MYOM2: variants seen among roughly 807,000 people sequenced by gnomAD.
The protein encoded by MYOM2 is myomesin-2.
A neutral mutation model predicts 187.6 loss-of-function variants in MYOM2; 254 were observed. That is an observed-to-expected ratio of 1.35 (90% CI 1.22 to 1.50). The LOEUF is 1.50. MYOM2 is among the 40% of genes most tolerant of loss of function. MYOM2 has a pLI of 0.00. For synonymous variants in MYOM2, 981 were observed against 753.8 expected (o/e 1.30, Z -4.94); for missense variants, 2,796 against 1,924.0 (o/e 1.45, Z -8.48).
chr8:2,067,314 G>T lies in MYOM2; in HGVS notation c.654-1964G>T, dbSNP rs542082383. On this transcript the variant is annotated intron_variant, in intron 6 of 36. Coordinates refer to ENST00000262113, the MANE Select transcript of MYOM2 (RefSeq NM_003970.4). ...TGAGTAACTCTTGCTTTTCTCAAAA[G>T]TGGGGACTTTTTGTGTTGTTTCTTT... Among the ~76,000 whole-genome samples, 3 of 152,314 alleles carry T rather than the reference G, an allele frequency of 2.0e-5. No individual in the cohort carries two copies. In the South Asian group the frequency reaches 6.2e-4, roughly 32 times the overall value.
At chr8:2,124,332 T>C in intron 31 of MYOM2, 115 bp downstream of exon 31, 1 of 1,031,872 alleles carries the variant, frequency 9.7e-7, no homozygotes, top group Non-Finnish European at 1.5e-6. Flanking sequence ...GCGTGTTCTG[T>C]GGGAGGCCCT....
intron 32 of MYOM2, among the ~76,000 whole-genome samples, chr8:2,129,491 G>A (rs1797776695): frequency 6.6e-6 from 1 of 152,196 alleles, no homozygotes; most frequent in Non-Finnish European, 1.5e-5. Flanking sequence ...GTCACCAAAG[G>A]TGGCTTTACT....
chr8:2,110,424 C>T (rs568972154), intron 25 of MYOM2, among the ~76,000 whole-genome samples: 1 of 152,288 alleles, frequency 6.6e-6, no homozygotes, highest in South Asian at 2.1e-4. Context: ...ATGTCAGGTA[C>T]TCCTTATTTG....
chr8:2,078,998 G>A, intron 12 of MYOM2, 65 bp downstream of exon 12: 1 of 1,517,830 alleles, frequency 6.6e-7, no homozygotes, highest in South Asian at 1.1e-5. Flanking sequence ...TGTGTGATTT[G>A]TTGTCTCTTT....
rs760368046 is a variant in MYOM2 at position 2,129,127 on chromosome 8, G to A, written c.3695G>A (p.Gly1232Glu). Residue 1232 changes from glycine (G) to glutamate (E), a missense_variant and splice_region_variant, in exon 32 of 37, where the codon GGG becomes GAG. Physicochemically the swap from Gly to Glu is moderately conservative, Grantham distance 98 (BLOSUM62 -2). Transcript: ENST00000262113. ...TCTGAGGATGTTTTATTTTCTGCAG[G>A]GAAATCTGCTTCGCCACTGAAGGTA... The part of the protein sequence containing the change: ...DMILAMSRVC[G>E]KSASPLKVLC... 1.9e-6 allele frequency: 3 copies of A among 1,598,444 alleles called. No individual in the cohort carries two copies. Among genetic ancestry groups the A allele is most frequent in the South Asian group, 2.2e-5 (2 of 90,470 alleles).
intron 31 of MYOM2, chr8:2,127,897 T>A (rs1187842414): frequency 6.6e-6 from 1 of 152,644 alleles, no homozygotes; most frequent in Non-Finnish European, 1.5e-5. Flanking sequence ...TGCTCTTTCT[T>A]TCCTCATGTG....
chr8:2,101,611 G>C (rs976880811), intron 20 of MYOM2, among the ~76,000 whole-genome samples: 1 of 152,186 alleles, frequency 6.6e-6, no homozygotes, highest in Non-Finnish European at 1.5e-5. Flanking sequence ...CCAACATGCT[G>C]TTTGCTCCTG....
intron 25 of MYOM2, among the ~76,000 whole-genome samples, chr8:2,110,198 C>T (rs1017314874): frequency 2.0e-5 from 3 of 152,174 alleles, no homozygotes; most frequent in Non-Finnish European, 4.4e-5. Flanking sequence ...TGATGCTCAC[C>T]TGTAGTTCCA....
intron 32 of MYOM2, among the ~76,000 whole-genome samples, chr8:2,140,090 G>A (rs1798222335): frequency 1.3e-5 from 2 of 151,924 alleles, no homozygotes; most frequent in East Asian, 1.9e-4. Context: ...CCCAGCCCCT[G>A]GTACCCACAG....
At chr8:2,124,995 C>T (rs189181723) in intron 31 of MYOM2, among the ~76,000 whole-genome samples, 5 of 152,160 alleles carry the variant, frequency 3.3e-5, no homozygotes, top group African/African-American at 1.2e-4. Flanking sequence ...AGTCCCTTAG[C>T]CAATGCATAG....
At chr8:2,110,678 T>C (rs1472416119) in intron 25 of MYOM2, among the ~76,000 whole-genome samples, 2 of 152,190 alleles carry the variant, frequency 1.3e-5, no homozygotes, top group Non-Finnish European at 2.9e-5. Context: ...GATTGGTTTG[T>C]TCATTACACA....
At chr8:2,132,630 G>C (rs775576226) in intron 32 of MYOM2, among the ~76,000 whole-genome samples, 1 of 151,752 alleles carries the variant, frequency 6.6e-6, no homozygotes, top group African/African-American at 2.4e-5. Context: ...TCTGTCACCC[G>C]GGCTGGAGAG....
chr8:2,070,362 T>G (rs1425072828), intron 8 of MYOM2, among the ~76,000 whole-genome samples: 3 of 152,216 alleles, frequency 2.0e-5, no homozygotes, highest in Admixed American at 6.5e-5. Flanking sequence ...TGGCAGCTGC[T>G]GGCCGCTGTG....
intron 1 of MYOM2, among the ~76,000 whole-genome samples, chr8:2,048,116 C>G (rs1240116520): frequency 6.6e-6 from 1 of 152,248 alleles, no homozygotes; most frequent in Non-Finnish European, 1.5e-5. Flanking sequence ...ACAAACACAT[C>G]TGAGGTTTAA....
intron 11 of MYOM2, among the ~76,000 whole-genome samples, chr8:2,077,352 A>G (rs1485298202): frequency 6.6e-6 from 1 of 152,118 alleles, no homozygotes; most frequent in Non-Finnish European, 1.5e-5. Flanking sequence ...ACAAAACAAA[A>G]AAACCACAAA....
intron 3 of MYOM2, 30 bp from the exon 4 acceptor site, chr8:2,057,318 G>C: frequency 6.3e-7 from 1 of 1,582,818 alleles, no homozygotes. Flanking sequence ...CGTGACTCCT[G>C]CAACTGAGGC....
At chr8:2,111,762 C>CAGTTTTTTTGAG (rs1387021312) in intron 25 of MYOM2, among the ~76,000 whole-genome samples, 1 of 152,128 alleles carries the variant, frequency 6.6e-6, no homozygotes. Flanking sequence ...AAAATAATCT[C>CAGTTTTTTTGAG]CCTCCCTCAA....
At chr8:2,129,084 G>A (rs2280902) in intron 31 of MYOM2, 43 bp from the exon 32 acceptor site, 617,353 of 1,413,670 alleles carry the variant, frequency 0.44, 137,302 homozygotes, top group Non-Finnish European at 0.46. Context: ...TCACACAGCA[G>A]GCACTCCTTT....
At position 2,077,323 on chromosome 8, in the gene MYOM2, C is replaced by T. The variant is rs1033560902; in HGVS notation, c.1262+1041C>T. On this transcript the variant is annotated intron_variant, in intron 11 of 36. Coordinates refer to ENST00000262113, the MANE Select transcript of MYOM2 (RefSeq NM_003970.4). ...GACTCCACCATCAAAAAAAACAAAA[C>T]AAAACAAAAAACAAAAAAACAAAAC... 4.6e-5 allele frequency among the ~76,000 whole-genome samples: 7 copies of T among 151,506 alleles called. 1 individual carries two copies. Among genetic ancestry groups the T allele is most frequent in the African/African-American group, 1.7e-4 (7 of 41,186 alleles).
Sources: allele counts gnomAD v4.1 joint callset (sites outside exome capture counted in the v4.1 genomes callset), GRCh38; gene constraint gnomAD v4.1.1; transcripts MANE v1.5; gene names NCBI Gene and HGNC (gene_info 2026-07-23, HGNC 2026-07-21).